Variants in ZNF697 observed in about 807,000 individuals in gnomAD.
ZNF697 encodes zinc finger protein 697.
ZNF697 carries 23 observed loss-of-function variants against 32.4 expected under a neutral mutation model. The ratio of observed to expected loss-of-function variants is 0.71; its 90% CI spans 0.51 to 1.01. ZNF697 has a LOEUF of 1.01. Ranked by LOEUF, ZNF697 falls within the 50% of genes least tolerant of loss-of-function variation. ZNF697 has a pLI of 0.00. For synonymous variants in ZNF697, 418 were observed against 337.2 expected, an observed-to-expected ratio of 1.24 and a Z score of -2.62; for missense variants, 930 against 794.0, an observed-to-expected ratio of 1.17 and a Z score of -2.06.
intron 1 of ZNF697, among the ~76,000 whole-genome samples, chr1:119,634,070 T>C (rs904217023): frequency 1.3e-5 from 2 of 152,220 alleles, no homozygotes; most frequent in Non-Finnish European, 2.9e-5. Flanking sequence ...GACAGCCTTG[T>C]TCTGGGAAAG....
At chr1:119,638,229 G>A (rs946390245) in intron 1 of ZNF697, among the ~76,000 whole-genome samples, 3 of 152,216 alleles carry the variant, frequency 2.0e-5, no homozygotes, top group Admixed American at 6.5e-5. Context: ...GGAGGAATAA[G>A]TGCTAGTGAG....
rs370078789 is a variant in ZNF697 at position 119,623,889 on chromosome 1, G to C, written c.454C>G (p.Arg152Gly). ...PWRRHLSLGS[R>G]HRGDKPAHRR... Reference sequence around the variant, plus strand: ...TGGGCGGGCTTGTCACCTCGGTGCCGACTCCCCAGGGAGAGATGTCGCCTC... The same window carrying C: ...TGGGCGGGCTTGTCACCTCGGTGCCCACTCCCCAGGGAGAGATGTCGCCTC... Residue 152 changes from arginine to glycine, a missense_variant, in exon 3 of 3, where the codon CGG (arginine) becomes GGG (glycine). By Grantham distance (125) the Arg-to-Gly change is moderately radical. Transcript: ENST00000421812. The C allele has an allele frequency of 6.5e-7, 1 of 1,546,532 alleles. No individual in the cohort carries two copies.
chr1:119,642,346 CTAAAG>C (rs964556207), intron 1 of ZNF697, among the ~76,000 whole-genome samples: 13 of 152,066 alleles, frequency 8.5e-5, no homozygotes, highest in African/African-American at 3.1e-4. Flanking sequence ...AGAGTGAATC[CTAAAG>C]TAAATTATTG....
intron 1 of ZNF697, among the ~76,000 whole-genome samples, chr1:119,645,737 T>C (rs888476532): frequency 6.6e-6 from 1 of 152,032 alleles, no homozygotes; most frequent in African/African-American, 2.4e-5. Context: ...TAACTCTACA[T>C]AGTGTGTGGT....
intron 1 of ZNF697, among the ~76,000 whole-genome samples, chr1:119,631,110 T>A (rs952337853): frequency 7.2e-5 from 11 of 152,202 alleles, no homozygotes; most frequent in South Asian, 2.1e-4. Context: ...CCCACCAACC[T>A]GGATTTTACA....
chr1:119,640,932 C>A (rs1175848295), intron 1 of ZNF697, among the ~76,000 whole-genome samples: 1 of 152,156 alleles, frequency 6.6e-6, no homozygotes, highest in Non-Finnish European at 1.5e-5. Flanking sequence ...CTTACTACAA[C>A]AAGAAAGGCA....
In ZNF697 at chr1:119,623,480, G is replaced by C. The variant is rs1400504760; in HGVS notation, c.863C>G (p.Pro288Arg). 2 of 1,568,794 alleles carry C rather than the reference G, an allele frequency of 1.3e-6. No individual in the cohort carries two copies. The highest frequency in any genetic ancestry group is 2.3e-5 in the South Asian group (2 of 86,386). The change falls in exon 3 of 3, where the codon CCC (proline) becomes CGC (arginine). Residue 288 changes from proline (P) to arginine (R), a missense_variant. Coordinates refer to ENST00000421812, the MANE Select transcript of ZNF697 (RefSeq NM_001080470.2). ...CTTGCCGCAGTCGGCGCACAGGTTG[G>C]GCCGCTCGCCCGTGTGCAGGCGCAG... ...NHLRLHTGER[P>R]NLCADCGKSF...
chr1:119,629,212 CTT>C (rs1648693703), intron 1 of ZNF697, among the ~76,000 whole-genome samples: 1 of 152,142 alleles, frequency 6.6e-6, no homozygotes, highest in South Asian at 2.1e-4. Flanking sequence ...AGAAAAATAA[CTT>C]TGTTTTTAAC....
rs139851325 is a variant in ZNF697 at position 119,625,863 on chromosome 1, C to T, written c.226+12G>A. ...TTGGCAACTTGCATAGAAATCCCAG[C>T]TTTCTCCTCACCTGTGCAGATGTCG... On this transcript the variant is annotated intron_variant, in intron 2 of 2. Transcript: ENST00000421812. 8.7e-6 allele frequency: 14 copies of T among 1,612,722 alleles called. No individual in the cohort carries two copies. In the East Asian group the frequency reaches 3.1e-4, roughly 36 times the overall value.
intron 1 of ZNF697, among the ~76,000 whole-genome samples, chr1:119,630,420 A>G (rs1258477872): frequency 1.3e-5 from 2 of 152,242 alleles, no homozygotes; most frequent in African/African-American, 4.8e-5. Context: ...GATCACTTCA[A>G]GGTGGGATTG....
intron 1 of ZNF697, among the ~76,000 whole-genome samples, chr1:119,632,295 C>G (rs1474266506): frequency 1.3e-5 from 2 of 152,178 alleles, no homozygotes; most frequent in Non-Finnish European, 2.9e-5. Flanking sequence ...AGGCACAAAC[C>G]CAGACTGCCC....
At chr1:119,625,733 G>T (rs1648559193) in intron 2 of ZNF697, 142 bp downstream of exon 2, 1 of 1,178,988 alleles carries the variant, frequency 8.5e-7, no homozygotes, top group Non-Finnish European at 1.2e-6. Context: ...CACAAGAGAG[G>T]CAAGTCAGTA....
In ZNF697 at chr1:119,623,465, T is replaced by C. The variant is rs1648433840; in HGVS notation, c.878A>G (p.Asp293Gly). ...GCGCCAGCTGAAGCTCTTGCCGCAG[T>C]CGGCGCACAGGTTGGGCCGCTCGCC... ...HTGERPNLCADCGKSFSWRAD... is the reference protein window; with the variant it reads ...HTGERPNLCAGCGKSFSWRAD... The change falls in exon 3 of 3, where the codon GAC becomes GGC. Residue 293 changes from aspartate (D) to glycine (G), a missense_variant. By Grantham distance (94) the Asp-to-Gly change is moderately conservative. Coordinates refer to ENST00000421812, the MANE Select transcript of ZNF697 (RefSeq NM_001080470.2). The C allele has an allele frequency of 6.4e-7, 1 of 1,563,234 alleles. No individual in the cohort carries two copies. Among genetic ancestry groups the C allele is most frequent in the African/African-American group, 1.4e-5 (1 of 70,786 alleles).
In ZNF697 at chr1:119,621,564, G is replaced by A. The variant is rs1325215230; in HGVS notation, c.*1141C>T. The A allele has an allele frequency of 6.6e-6, 1 of 152,608 alleles. No individual in the cohort carries two copies. The highest frequency in any genetic ancestry group is 1.5e-5 in the Non-Finnish European group (1 of 68,040). 9.5% of individuals were successfully genotyped at this position (152,608 alleles called of 1,614,324 possible). On this transcript the variant is annotated 3_prime_UTR_variant, in exon 3 of 3. Transcript: ENST00000421812. ...CTTGAGATTTCTACTGTGCCTCCAC[G>A]CGCAGGCAAAAGACATTCTTACTTA...
chr1:119,642,089 G>A (rs1226373468), intron 1 of ZNF697, among the ~76,000 whole-genome samples: 4 of 152,100 alleles, frequency 2.6e-5, no homozygotes, highest in East Asian at 3.9e-4. Flanking sequence ...ACCTTAAAAC[G>A]TATACTACTA....
In ZNF697 at chr1:119,622,732, C is replaced by A; in HGVS notation, c.1611G>T (p.Ala537=). ...GKGFRYKTHL[A]QHQKLHLC is the part of the protein sequence containing the mutation. ...AACACAGGTGCAGCTTCTGGTGCTG[C>A]GCGAGGTGCGTTTTATAGCGGAAGC... Residue 537 remains alanine, a synonymous_variant, in exon 3 of 3, where the codon GCG becomes GCT. Transcript: ENST00000421812. The A allele has an allele frequency of 6.4e-7, 1 of 1,553,982 alleles. No individual in the cohort carries two copies. Among genetic ancestry groups the A allele is most frequent in the Non-Finnish European group, 8.7e-7 (1 of 1,148,668 alleles).
chr1:119,628,286 G>A (rs1648658037), intron 1 of ZNF697, among the ~76,000 whole-genome samples: 1 of 152,210 alleles, frequency 6.6e-6, no homozygotes, highest in Non-Finnish European at 1.5e-5. Context: ...AGGGAGCAGG[G>A]CTTCCCCTCT....
At chr1:119,637,881 A>C (rs1485867471) in intron 1 of ZNF697, among the ~76,000 whole-genome samples, 1 of 152,014 alleles carries the variant, frequency 6.6e-6, no homozygotes, top group Non-Finnish European at 1.5e-5. Context: ...GTAAACACTG[A>C]ATAATACTGA....
intron 1 of ZNF697, among the ~76,000 whole-genome samples, chr1:119,647,425 C>T (rs1371882709): frequency 6.6e-6 from 1 of 152,188 alleles, no homozygotes; most frequent in Non-Finnish European, 1.5e-5. Flanking sequence ...TGCTGCCCAT[C>T]TCTCCACCCA....
Sources: allele counts gnomAD v4.1 joint callset (sites outside exome capture counted in the v4.1 genomes callset), GRCh38; gene constraint gnomAD v4.1.1; transcripts MANE v1.5; gene names NCBI Gene and HGNC (gene_info 2026-07-23, HGNC 2026-07-21).